Variants in ZFPM2 observed in about 807,000 individuals in gnomAD.
The protein encoded by ZFPM2 is zinc finger protein, FOG family member 2, also known as zinc finger protein ZFPM2.
ZFPM2 carries 20 observed loss-of-function variants against 98.6 expected under a neutral mutation model. The ratio of observed to expected loss-of-function variants is 0.20; its 90% CI spans 0.14 to 0.29. The LOEUF (loss-of-function observed/expected upper bound fraction) is 0.29, where lower values mean the gene tolerates loss of function less well. Ranked by LOEUF, ZFPM2 falls within the 10% of genes least tolerant of loss-of-function variation. The pLI, the probability that ZFPM2 is intolerant of heterozygous loss-of-function variation, is 1.00. For synonymous variants in ZFPM2, 518 were observed against 502.7 expected (o/e 1.03, Z -0.41); for missense variants, 1,310 against 1,388.6 (o/e 0.94, Z 0.90).
chr8:105,778,427 C>T (rs1231081185), intron 5 of ZFPM2, among the ~76,000 whole-genome samples: 2 of 151,762 alleles, frequency 1.3e-5, no homozygotes, highest in African/African-American at 4.8e-5. Context: ...GTAAGTATTC[C>T]GCTTTTCTCC....
At chr8:105,685,310 C>T (rs1437829541) in intron 5 of ZFPM2, among the ~76,000 whole-genome samples, 2 of 152,052 alleles carry the variant, frequency 1.3e-5, no homozygotes, top group Admixed American at 6.6e-5. Flanking sequence ...TAGAATTTTA[C>T]AGTCAGTTCA....
At chr8:105,564,827 A>T (rs1815211123) in intron 4 of ZFPM2, among the ~76,000 whole-genome samples, 1 of 152,148 alleles carries the variant, frequency 6.6e-6, no homozygotes, top group Non-Finnish European at 1.5e-5. Context: ...CAAAATATTT[A>T]TTATGTAATT....
At chr8:105,366,271 T>C (rs1810506293) in intron 1 of ZFPM2, among the ~76,000 whole-genome samples, 1 of 152,168 alleles carries the variant, frequency 6.6e-6, no homozygotes, top group African/African-American at 2.4e-5. Flanking sequence ...CTCTTGGACT[T>C]TTCATCTGTA....
At chr8:105,452,601 A>C (rs925029640) in intron 3 of ZFPM2, among the ~76,000 whole-genome samples, 8 of 151,908 alleles carry the variant, frequency 5.3e-5, no homozygotes, top group Non-Finnish European at 1.0e-4. Flanking sequence ...ATTAAAAAAA[A>C]ATTAGCCAGA....
At chr8:105,603,099 A>G (rs1816125634) in intron 4 of ZFPM2, among the ~76,000 whole-genome samples, 1 of 152,240 alleles carries the variant, frequency 6.6e-6, no homozygotes, top group South Asian at 2.1e-4. Flanking sequence ...TTGTCTCTCC[A>G]TATGGCAGCT....
intron 4 of ZFPM2, among the ~76,000 whole-genome samples, chr8:105,621,456 A>G (rs1216813725): frequency 6.6e-6 from 1 of 152,108 alleles, no homozygotes; most frequent in Non-Finnish European, 1.5e-5. Flanking sequence ...TAAATATACA[A>G]TCATGTCATC....
intron 5 of ZFPM2, among the ~76,000 whole-genome samples, chr8:105,700,504 A>C (rs1401422830): frequency 1.3e-5 from 2 of 152,112 alleles, no homozygotes; most frequent in Non-Finnish European, 2.9e-5. Context: ...TATTGTCCAG[A>C]ATTTTAAAGC....
rs36124912 is a variant in ZFPM2 at position 105,377,607 on chromosome 8, C to CAAAAAAAAAAAAAA, written c.41-41524_41-41511dup. Among the ~76,000 whole-genome samples the CAAAAAAAAAAAAAA allele has an allele frequency of 9.4e-5, 6 of 63,876 alleles. 3 individuals are homozygous for CAAAAAAAAAAAAAA. Among genetic ancestry groups the CAAAAAAAAAAAAAA allele is most frequent in the African/African-American group, 3.6e-4 (6 of 16,590 alleles). The allele number at this position is 63,876 out of a possible 152,430, so 41.9% of individuals were successfully genotyped here. On this transcript the variant is annotated intron_variant, in intron 1 of 7. Transcript: ENST00000407775. ...CAAAACCCCGTTTTTCTTAAAAATC[C>CAAAAAAAAAAAAAA]AAAAAAAAAAAAAAAAAAAAAAAAA...
intron 3 of ZFPM2, among the ~76,000 whole-genome samples, chr8:105,517,709 A>ACACACACG (rs1554613625): frequency 2.3e-5 from 1 of 42,878 alleles, no homozygotes; most frequent in Non-Finnish European, 4.0e-5. Flanking sequence ...CACACACACC[A>ACACACACG]CACACACACA....
At chr8:105,691,783 G>A (rs187360452) in intron 5 of ZFPM2, among the ~76,000 whole-genome samples, 4 of 152,266 alleles carry the variant, frequency 2.6e-5, no homozygotes, top group East Asian at 3.9e-4. Context: ...TCATTAGTAC[G>A]TAGAATAGTT....
chr8:105,583,462 A>G lies in ZFPM2; in HGVS notation c.420+21981A>G, dbSNP rs145258753. On this transcript the variant is annotated intron_variant, in intron 4 of 7. Coordinates refer to ENST00000407775, the MANE Select transcript of ZFPM2 (RefSeq NM_012082.4). ...AAATAGAGCAACAAATCTATAGCAT[A>G]TTTCTGAACAGTAAATTTGGGGTTA... 4.6e-5 allele frequency among the ~76,000 whole-genome samples: 7 copies of G among 152,300 alleles called. No individual in the cohort carries two copies. In the East Asian group the frequency reaches 1.3e-3, roughly 29 times the overall value.
chr8:105,785,250 C>T (rs544422316), intron 5 of ZFPM2: 1 of 152,204 alleles, frequency 6.6e-6, no homozygotes, highest in South Asian at 2.1e-4. Flanking sequence ...TGTCAGGTAC[C>T]CCAAACTTTA....
chr8:105,382,380 T>C (rs1810906093), intron 1 of ZFPM2, among the ~76,000 whole-genome samples: 1 of 152,104 alleles, frequency 6.6e-6, no homozygotes, highest in Non-Finnish European at 1.5e-5. Context: ...ATGTCTAATA[T>C]GATGTTTTAT....
intron 4 of ZFPM2, among the ~76,000 whole-genome samples, chr8:105,581,233 C>T (rs1253231075): frequency 1.3e-5 from 2 of 151,918 alleles, no homozygotes; most frequent in African/African-American, 2.4e-5. Context: ...TTTATAGATA[C>T]TTCCCTAGTC....
At chr8:105,502,311 A>G (rs1450597656) in intron 3 of ZFPM2, among the ~76,000 whole-genome samples, 1 of 152,182 alleles carries the variant, frequency 6.6e-6, no homozygotes, top group East Asian at 1.9e-4. Context: ...GATAGATTAG[A>G]AAAGAATATC....
intron 3 of ZFPM2, among the ~76,000 whole-genome samples, chr8:105,479,177 A>G (rs1362587635): frequency 1.3e-5 from 2 of 152,170 alleles, no homozygotes; most frequent in African/African-American, 2.4e-5. Flanking sequence ...ACCCAATGCT[A>G]CGATATTCTG....
At chr8:105,693,061 T>A (rs1030478424) in intron 5 of ZFPM2, among the ~76,000 whole-genome samples, 2 of 152,226 alleles carry the variant, frequency 1.3e-5, no homozygotes, top group African/African-American at 4.8e-5. Context: ...GAGCCTAAGC[T>A]ACGGTCGCAT....
At chr8:105,566,824 A>G (rs1280535367) in intron 4 of ZFPM2, among the ~76,000 whole-genome samples, 2 of 152,220 alleles carry the variant, frequency 1.3e-5, no homozygotes, top group Admixed American at 1.3e-4. Flanking sequence ...AATTCAACAA[A>G]TGAAATTTGA....
At chr8:105,478,008 G>C (rs767770674) in intron 3 of ZFPM2, among the ~76,000 whole-genome samples, 6 of 152,064 alleles carry the variant, frequency 3.9e-5, no homozygotes, top group African/African-American at 9.7e-5. Context: ...TTTAATTTTG[G>C]CTCCAGGGGA....
Sources: allele counts gnomAD v4.1 joint callset (sites outside exome capture counted in the v4.1 genomes callset), GRCh38; gene constraint gnomAD v4.1.1; transcripts MANE v1.5; gene names NCBI Gene and HGNC (gene_info 2026-07-23, HGNC 2026-07-21).